Variants in CECR2 observed in about 807,000 individuals in gnomAD.
The protein encoded by CECR2 is chromatin remodeling regulator CECR2.
CECR2 carries 30 observed loss-of-function variants against 154.5 expected under a neutral mutation model. The ratio of observed to expected loss-of-function variants is 0.19; its 90% CI spans 0.15 to 0.26. The LOEUF (loss-of-function observed/expected upper bound fraction) is 0.26, where lower values mean the gene tolerates loss of function less well. CECR2 is among the 10% of genes least tolerant of loss of function. CECR2 has a pLI of 1.00. For synonymous variants in CECR2, 725 were observed against 683.7 expected (o/e 1.06, Z -0.94); for missense variants, 1,743 against 1,829.3 (o/e 0.95, Z 0.86).
intron 1 of CECR2, among the ~76,000 whole-genome samples, chr22:17,453,881 T>C (rs2054811462): frequency 6.6e-6 from 1 of 152,186 alleles, no homozygotes; most frequent in Non-Finnish European, 1.5e-5. Flanking sequence ...ATTAAATTTA[T>C]GTTCAAGTGC....
intron 1 of CECR2, among the ~76,000 whole-genome samples, chr22:17,416,086 C>CAA (rs1340788869): frequency 6.6e-6 from 1 of 152,110 alleles, no homozygotes; most frequent in African/African-American, 2.4e-5. Context: ...AGCCTGCAGT[C>CAA]AATGTGAAGG....
Position 17,372,801 on chromosome 22 carries a change from A to C in CECR2, c.126+2892A>C, listed in dbSNP as rs2063075859. Among the ~76,000 whole-genome samples, 4 of 152,236 alleles carry C rather than the reference A, an allele frequency of 2.6e-5. No homozygotes were observed. In the South Asian group the frequency reaches 8.3e-4, roughly 32 times the overall value. On this transcript the variant is annotated intron_variant, in intron 1 of 18. Transcript: ENST00000262608. ...GTAAAAATGATAAATAATAGCAAGT[A>C]GTAGAAGTTGGGTATCAGTTATTTC...
At chr22:17,539,267 C>G (rs1298078595) in intron 13 of CECR2, 148 bp downstream of exon 13, 1 of 822,096 alleles carries the variant, frequency 1.2e-6, no homozygotes, top group African/African-American at 1.7e-5. Context: ...ATTCCAGCCA[C>G]TTATACAGTG....
intron 1 of CECR2, among the ~76,000 whole-genome samples, chr22:17,468,923 G>A (rs973688140): frequency 6.6e-6 from 1 of 152,090 alleles, no homozygotes; most frequent in Non-Finnish European, 1.5e-5. Flanking sequence ...CATGGCGGGA[G>A]GCAGGAGGAC....
intron 1 of CECR2, among the ~76,000 whole-genome samples, chr22:17,407,566 G>C (rs1429171967): frequency 2.0e-5 from 3 of 151,782 alleles, no homozygotes; most frequent in Non-Finnish European, 4.4e-5. Context: ...CTGCACACCA[G>C]CCTGGGCAAT....
intron 1 of CECR2, among the ~76,000 whole-genome samples, chr22:17,378,267 G>A (rs576075267): frequency 4.0e-5 from 6 of 150,286 alleles, no homozygotes; most frequent in Admixed American, 1.3e-4. Flanking sequence ...ACAGGTGTGA[G>A]CCACCGCGCT....
At position 17,548,855 on chromosome 22, in the gene CECR2, C is replaced by T. The variant is rs761342382; in HGVS notation, c.3568C>T (p.Pro1190Ser). Residue 1190 changes from proline to serine, a missense_variant, in exon 17 of 19, where the codon CCA (proline) becomes TCA (serine). Transcript: ENST00000262608. ...QGMRYSYHPP[P>S]QPSYHHYQRT... ...AATGAGGTATTCCTACCACCCACCG[C>T]CACAGCCTTCCTACCACCACTATCA... 3.5e-5 allele frequency: 56 copies of T among 1,613,358 alleles called. No individual in the cohort carries two copies. The highest frequency in any genetic ancestry group is 1.7e-4 in the African/African-American group (13 of 74,904).
At chr22:17,381,927 A>T (rs9605269) in intron 1 of CECR2, among the ~76,000 whole-genome samples, 6 of 151,136 alleles carry the variant, frequency 4.0e-5, no homozygotes, top group East Asian at 1.9e-4. Context: ...TCACTCTGTC[A>T]CCCAGGCTGG....
At chr22:17,373,656 T>C (rs912286146) in intron 1 of CECR2, among the ~76,000 whole-genome samples, 31 of 152,060 alleles carry the variant, frequency 2.0e-4, no homozygotes, top group African/African-American at 7.5e-4. Flanking sequence ...AATTCAGTAG[T>C]TGATATAAAC....
At chr22:17,391,417 A>G (rs1316983947) in intron 1 of CECR2, among the ~76,000 whole-genome samples, 4 of 152,242 alleles carry the variant, frequency 2.6e-5, no homozygotes, top group Admixed American at 6.5e-5. Context: ...TAATTACAAC[A>G]GAGAGTTGAT....
At chr22:17,423,506 C>CAAA (rs77498895) in intron 1 of CECR2, among the ~76,000 whole-genome samples, 1 of 143,658 alleles carries the variant, frequency 7.0e-6, no homozygotes, top group Non-Finnish European at 1.5e-5. Context: ...GACTCTGTCT[C>CAAA]AAAAAAAAAA....
chr22:17,436,352 A>G (rs1452838702), intron 1 of CECR2, among the ~76,000 whole-genome samples: 1 of 152,240 alleles, frequency 6.6e-6, no homozygotes, highest in Non-Finnish European at 1.5e-5. Flanking sequence ...TATGCACAAT[A>G]ATACAACACA....
intron 1 of CECR2, among the ~76,000 whole-genome samples, chr22:17,468,788 G>A (rs575016372): frequency 3.9e-5 from 6 of 152,260 alleles, no homozygotes; most frequent in East Asian, 1.9e-4. Context: ...CTGTTTTGCC[G>A]TAACAAAATA....
Position 17,497,517 on chromosome 22 carries a change from A to G in CECR2, c.336A>G (p.Thr112=). 3.1e-6 allele frequency: 5 copies of G among 1,613,982 alleles called. No homozygotes were observed. Among genetic ancestry groups the G allele is most frequent in the South Asian group, 1.1e-5 (1 of 91,074 alleles). The change falls in exon 3 of 19, where the codon ACA becomes ACG. Residue 112 remains threonine (T), a synonymous_variant. Transcript: ENST00000262608. The part of the protein sequence containing the change: ...EASFQDLPLR[T]RVEILHRLCD... ...GTTTCCAGGACCTGCCTCTTCGCAC[A>G]CGGGTGGAGATCCTGCACCGACTCT...
At chr22:17,455,490 C>G (rs1413589733) in intron 1 of CECR2, among the ~76,000 whole-genome samples, 1 of 152,236 alleles carries the variant, frequency 6.6e-6, no homozygotes. Context: ...CCTCCCTACT[C>G]TCCTGACCCA....
chr22:17,529,113 C>T (rs2056311426), intron 9 of CECR2, among the ~76,000 whole-genome samples: 1 of 152,202 alleles, frequency 6.6e-6, no homozygotes, highest in Middle Eastern at 3.4e-3. Flanking sequence ...AAAGAAAGCC[C>T]TCTCTGAAGA....
chr22:17,435,825 AAC>A (rs2054498299), intron 1 of CECR2, among the ~76,000 whole-genome samples: 1 of 152,192 alleles, frequency 6.6e-6, no homozygotes, highest in Admixed American at 6.5e-5. Flanking sequence ...GATGTTCTGA[AAC>A]ACACTGTACT....
intron 9 of CECR2, among the ~76,000 whole-genome samples, chr22:17,529,654 C>T (rs959502345): frequency 4.0e-5 from 6 of 151,008 alleles, no homozygotes; most frequent in African/African-American, 9.8e-5. Context: ...GAGCCGAGAT[C>T]GCCCCACCGC....
chr22:17,540,923 G>A, intron 14 of CECR2, 123 bp downstream of exon 14: 2 of 1,068,256 alleles, frequency 1.9e-6, no homozygotes, highest in Non-Finnish European at 2.6e-6. Context: ...CTTTTTCCCT[G>A]TGAGTCCTTT....
Sources: gnomAD v4.1 joint callset for allele counts (sites outside exome capture counted in the v4.1 genomes callset) on GRCh38, gnomAD v4.1.1 for gene constraint, MANE v1.5 for transcripts, NCBI Gene and HGNC (gene_info 2026-07-23, HGNC 2026-07-21) for gene names.